The following NAV2 variants were observed in gnomAD, a reference collection of about 807,000 sequenced individuals.
NAV2 encodes neuron navigator 2, also known as helicase, APC down-regulated 1.
NAV2 carries 54 observed loss-of-function variants against 223.2 expected under a neutral mutation model. The ratio of observed to expected loss-of-function variants is 0.24; its 90% CI spans 0.19 to 0.30. The LOEUF (loss-of-function observed/expected upper bound fraction) is 0.30. NAV2 is among the 10% of genes least tolerant of loss of function. The probability of loss-of-function intolerance (pLI) is 1.00; values close to 1 mark genes in which losing one functional copy is unlikely to be tolerated. For missense variants in NAV2, 2,806 were observed against 3,147.5 expected, an observed-to-expected ratio of 0.89 and a Z score of 2.60; for synonymous variants, 1,279 against 1,239.3, an observed-to-expected ratio of 1.03 and a Z score of -0.67.
chr11:20,118,153 G>A lies in NAV2; in HGVS notation c.7185G>A (p.Leu2395=). 2 of 1,613,650 alleles carry A rather than the reference G, an allele frequency of 1.2e-6. No homozygotes were observed. The highest frequency in any genetic ancestry group is 1.7e-6 in the Non-Finnish European group (2 of 1,179,836). Reference sequence around the variant, plus strand: ...CCTAGATGAACATGCTGATGAGGCTGCAGGAGGCAGCCAACTACTCCAGCC... The same window carrying A: ...CCTAGATGAACATGCTGATGAGGCTACAGGAGGCAGCCAACTACTCCAGCC... ...GDPLMNMLMR[L]QEAANYSSPQ... Residue 2395 remains leucine, a synonymous_variant, in exon 38 of 38, where the codon CTG becomes CTA. Coordinates refer to ENST00000349880, the MANE Select transcript of NAV2 (RefSeq NM_145117.5).
Position 20,044,130 on chromosome 11 carries a change from C to G in NAV2, c.3057C>G (p.Ser1019=). 1 of 1,614,098 alleles carries G rather than the reference C, an allele frequency of 6.2e-7. No individual in the cohort carries two copies. The highest frequency in any genetic ancestry group is 2.2e-5 in the East Asian group (1 of 44,872). ...ATCCTTCTGATGTGTCTGACGAGTC[C>G]GACAAAAGCACGTCGGGCAAGAAGA... The part of the protein sequence containing the change: ...RRNPSDVSDE[S]DKSTSGKKNP... The change falls in exon 13 of 38, where the codon TCC becomes TCG. Residue 1019 remains serine (S), a synonymous_variant. Transcript: ENST00000349880.
intron 1 of NAV2, among the ~76,000 whole-genome samples, chr11:19,784,388 TAAAAAAAAAAAA>T (rs1162911472): frequency 1.4e-4 from 7 of 50,948 alleles, no homozygotes; most frequent in Admixed American, 1.0e-3. Flanking sequence ...AGCTCCATCT[TAAAAAAAAAAAA>T]AAAAAAAAAA....
intron 11 of NAV2, among the ~76,000 whole-genome samples, chr11:20,034,181 C>T (rs1346471225): frequency 2.6e-5 from 4 of 152,118 alleles, no homozygotes; most frequent in Non-Finnish European, 4.4e-5. Context: ...AGCCCTCTGA[C>T]CTTGTACAGG....
chr11:19,374,309 GTTT>G (rs10533713), intron 1 of NAV2, among the ~76,000 whole-genome samples: 26,070 of 124,668 alleles, frequency 0.21, 2,880 homozygotes, highest in East Asian at 0.45. Context: ...TTCCGAAAAG[GTTT>G]TTTTTTTTTT....
intron 1 of NAV2, among the ~76,000 whole-genome samples, chr11:19,783,000 T>G (rs2056851271): frequency 6.6e-6 from 1 of 152,150 alleles, no homozygotes; most frequent in African/African-American, 2.4e-5. Context: ...ATCTTTGTCA[T>G]AGTGAGAGAT....
chr11:19,727,065 A>T (rs1189162244), intron 1 of NAV2, among the ~76,000 whole-genome samples: 2 of 152,182 alleles, frequency 1.3e-5, no homozygotes, highest in Non-Finnish European at 2.9e-5. Flanking sequence ...TACATCTCTC[A>T]TGTTGCTTAG....
chr11:20,106,815 T>C (rs1390961483), intron 35 of NAV2, among the ~76,000 whole-genome samples: 1 of 151,002 alleles, frequency 6.6e-6, no homozygotes, highest in Admixed American at 6.6e-5. Flanking sequence ...GCTAATTTTT[T>C]TGTATTTTTT....
At chr11:19,947,709 A>C (rs1317521490) in intron 9 of NAV2, among the ~76,000 whole-genome samples, 3 of 152,128 alleles carry the variant, frequency 2.0e-5, no homozygotes, top group African/African-American at 7.2e-5. Flanking sequence ...TGGAAGACAG[A>C]CTCTGCCAAG....
chr11:20,045,474 A>G lies in NAV2; in HGVS notation c.3706A>G (p.Thr1236Ala), dbSNP rs556538081. The G allele has an allele frequency of 6.2e-7, 1 of 1,614,140 alleles. No individual in the cohort carries two copies. The highest frequency in any genetic ancestry group is 1.3e-5 in the African/African-American group (1 of 75,044). The change falls in exon 14 of 38, where the codon ACA (threonine) becomes GCA (alanine). Residue 1236 changes from threonine (T) to alanine (A), a missense_variant. Thr to Ala is a moderately conservative substitution (Grantham distance 58). This residue lies in a region of NAV2 where 742 missense variants were observed against 777.9 expected (regional missense o/e 0.95). Transcript: ENST00000349880. ...GCCCAAACTGAGGGAGCCTTCCAAA[A>G]CAGCCCTAGGCAGCTCTCTACCAGG... is the stretch of plus-strand genomic sequence containing the variant. The part of the protein sequence containing the change: ...PVPKLREPSK[T>A]ALGSSLPGLV...
At chr11:19,746,734 G>C (rs2152481971) in intron 1 of NAV2, among the ~76,000 whole-genome samples, 1 of 151,294 alleles carries the variant, frequency 6.6e-6, no homozygotes, top group South Asian at 2.1e-4. Context: ...ACCTCGTATT[G>C]CCCCATCCAC....
chr11:19,875,964 C>CA (rs527688026), intron 4 of NAV2, among the ~76,000 whole-genome samples: 3 of 151,556 alleles, frequency 2.0e-5, no homozygotes, highest in East Asian at 3.9e-4. Flanking sequence ...TTTTCTCAGC[C>CA]AAAAAAGGGA....
At chr11:19,877,470 C>CTTTTTTTTTTTTTTCTTTTTT (rs1555114909) in intron 4 of NAV2, among the ~76,000 whole-genome samples, 1 of 82,618 alleles carries the variant, frequency 1.2e-5, no homozygotes, top group African/African-American at 6.8e-5. Context: ...TATCTTCATT[C>CTTTTTTTTTTTTTTCTTTTTT]TTTTTTTTTT....
At chr11:20,000,645 TAA>T (rs2052450836) in intron 11 of NAV2, among the ~76,000 whole-genome samples, 1 of 152,076 alleles carries the variant, frequency 6.6e-6, no homozygotes, top group East Asian at 1.9e-4. Context: ...CTGGGGGAGC[TAA>T]TGGGAGCCCT....
At chr11:19,650,218 T>A (rs112459271) in intron 1 of NAV2, among the ~76,000 whole-genome samples, 156 of 152,250 alleles carry the variant, frequency 1.0e-3, no homozygotes, top group African/African-American at 3.7e-3. Context: ...GGCACCCTTA[T>A]AAGAGAAAAA....
At position 20,053,062 on chromosome 11, in the gene NAV2, C is replaced by A. The variant is rs192969588; in HGVS notation, c.4482-1018C>A. Among the ~76,000 whole-genome samples the A allele has an allele frequency of 4.7e-3, 714 of 151,410 alleles. 2 individuals are homozygous for A. Among genetic ancestry groups the A allele is most frequent in the Admixed American group, 8.0e-3 (121 of 15,194 alleles). ...TAAAACCCTGTCTCTACTAAAAATA[C>A]AAAAAATTAGCTGGGCATGGTGGCA... On this transcript the variant is annotated intron_variant, in intron 17 of 37. Transcript: ENST00000349880.
In NAV2 at chr11:19,612,334, T is replaced by G. The variant is rs58359461; in HGVS notation, c.76-220150T>G. On this transcript the variant is annotated intron_variant, in intron 1 of 37. Coordinates refer to the NAV2 transcript ENST00000360655. ...CCATGGTCTTGGGGATTAACATTAGTCTCCTTGCTGCTTATCCAAATTTCT... is the reference window on the plus strand; with the variant it reads ...CCATGGTCTTGGGGATTAACATTAGGCTCCTTGCTGCTTATCCAAATTTCT... Among the ~76,000 whole-genome samples the G allele has an allele frequency of 6.0e-3, 917 of 152,280 alleles. 4 individuals carry two copies. The highest frequency in any genetic ancestry group is 0.02 in the African/African-American group (822 of 41,550).
At chr11:19,473,076 G>T (rs2042012291) in intron 1 of NAV2, among the ~76,000 whole-genome samples, 2 of 152,314 alleles carry the variant, frequency 1.3e-5, no homozygotes, top group Non-Finnish European at 2.9e-5. Flanking sequence ...AGAGTTCAGA[G>T]CTCTGCCTCA....
chr11:19,396,294 G>C (rs946693446), intron 1 of NAV2, among the ~76,000 whole-genome samples: 1 of 152,074 alleles, frequency 6.6e-6, no homozygotes, highest in Non-Finnish European at 1.5e-5. Context: ...ATCCAAGATC[G>C]CATGGTGAGG....
chr11:20,038,634 C>T (rs1298559891), intron 12 of NAV2, among the ~76,000 whole-genome samples: 1 of 152,194 alleles, frequency 6.6e-6, no homozygotes, highest in Non-Finnish European at 1.5e-5. Context: ...GCGTTGTACC[C>T]TTCCCAAGAG....
Sources: gnomAD v4.1 joint callset for allele counts (sites outside exome capture counted in the v4.1 genomes callset) on GRCh38, gnomAD v4.1.1 for gene constraint, gnomAD v4.1.1 regional missense constraint, MANE v1.5 for transcripts, NCBI Gene and HGNC (gene_info 2026-07-23, HGNC 2026-07-21) for gene names.